The following FGD6 variants were observed in gnomAD, a reference collection of about 807,000 sequenced individuals.
The protein encoded by FGD6 is FYVE, RhoGEF and PH domain containing 6.
FGD6 carries 90 observed loss-of-function variants against 149.4 expected under a neutral mutation model. The observed-to-expected ratio is 0.60, with a 90% CI of 0.51 to 0.72. The LOEUF is 0.72. Among genes scored for constraint, FGD6 ranks in the 30% least tolerant of loss-of-function variants. The probability of loss-of-function intolerance (pLI) is 0.00; values close to 1 mark genes in which losing one functional copy is unlikely to be tolerated. For missense variants in FGD6, 1,437 were observed against 1,684.8 expected (o/e 0.85, Z 2.57); for synonymous variants, 527 against 584.0 (o/e 0.90, Z 1.41).
chr12:95,165,205 A>G (rs1328262359), intron 3 of FGD6, among the ~76,000 whole-genome samples: 4 of 152,220 alleles, frequency 2.6e-5, no homozygotes, highest in African/African-American at 9.6e-5. Flanking sequence ...TTGTTAGTAG[A>G]GACAGATTGG....
chr12:95,098,814 A>C (rs1329909220), intron 14 of FGD6, among the ~76,000 whole-genome samples: 2 of 151,854 alleles, frequency 1.3e-5, no homozygotes, highest in African/African-American at 4.8e-5. Context: ...ATATTTGCTA[A>C]GTGCGTGTCC....
In FGD6 at chr12:95,152,853, A is replaced by G; in HGVS notation, c.2655-12T>C. On this transcript the variant is annotated splice_polypyrimidine_tract_variant and intron_variant, in intron 4 of 20. Transcript: ENST00000343958. Reference sequence around the variant, plus strand: ...ACACATCCACAAACCTGTAAAAAACAACAATGAAAAAAATGTTTTAAATGT... The same window carrying G: ...ACACATCCACAAACCTGTAAAAAACGACAATGAAAAAAATGTTTTAAATGT... The G allele has an allele frequency of 1.2e-6, 2 of 1,613,790 alleles. No individual in the cohort carries two copies. The highest frequency in any genetic ancestry group is 1.7e-6 in the Non-Finnish European group (2 of 1,179,830).
At chr12:95,148,678 T>C (rs36192985) in intron 5 of FGD6, among the ~76,000 whole-genome samples, 11 of 109,180 alleles carry the variant, frequency 1.0e-4, no homozygotes, top group South Asian at 5.4e-4. Flanking sequence ...ATAGCATATG[T>C]TATATTATAT....
intron 5 of FGD6, among the ~76,000 whole-genome samples, chr12:95,150,457 T>C (rs1340924758): frequency 6.6e-6 from 1 of 152,166 alleles, no homozygotes; most frequent in Non-Finnish European, 1.5e-5. Context: ...TACTTAATTA[T>C]ATCAGATGTC....
chr12:95,085,798 A>G lies in FGD6; in HGVS notation c.4089T>C (p.Tyr1363=). ...FWFVIKNKVL[Y]TYAASEDVAA... Reference sequence around the variant, plus strand: ...ATCTTACCTCACTTGCAGCATATGTATATAGTACTTTATTTTTTATGACAA... The same window carrying G: ...ATCTTACCTCACTTGCAGCATATGTGTATAGTACTTTATTTTTTATGACAA... Residue 1363 remains tyrosine, a synonymous_variant, in exon 19 of 21, where the codon TAT becomes TAC. Coordinates refer to ENST00000343958, the MANE Select transcript of FGD6 (RefSeq NM_018351.4). The G allele has an allele frequency of 6.2e-7, 1 of 1,613,770 alleles. No individual in the cohort carries two copies. Among genetic ancestry groups the G allele is most frequent in the Non-Finnish European group, 8.5e-7 (1 of 1,179,910 alleles).
chr12:95,207,172 T>C (rs1465750355), intron 2 of FGD6, among the ~76,000 whole-genome samples: 3 of 152,120 alleles, frequency 2.0e-5, no homozygotes, highest in African/African-American at 7.2e-5. Context: ...GAGTGGGTTC[T>C]CACAAGATCT....
intron 8 of FGD6, 44 bp downstream of exon 8, chr12:95,134,695 G>T: frequency 6.4e-7 from 1 of 1,567,216 alleles, no homozygotes; most frequent in South Asian, 1.1e-5. Context: ...GTTGGCTGAT[G>T]GATAAACCAA....
intron 1 of FGD6, among the ~76,000 whole-genome samples, chr12:95,214,974 T>C (rs938476351): frequency 6.6e-6 from 1 of 150,424 alleles, no homozygotes; most frequent in East Asian, 2.0e-4. Context: ...GCAATTTTCA[T>C]ATCAGCCTCC....
chr12:95,104,953 C>G lies in FGD6; in HGVS notation c.3497+54G>C, dbSNP rs557657701. On this transcript the variant is annotated intron_variant, in intron 14 of 20. Coordinates refer to ENST00000343958, the MANE Select transcript of FGD6 (RefSeq NM_018351.4). Reference sequence around the variant, plus strand: ...CCAAAATTTTCCTGACATTCCCTAGCAAGCAGACTCAGAATGAGAAAAAAA... The same window carrying G: ...CCAAAATTTTCCTGACATTCCCTAGGAAGCAGACTCAGAATGAGAAAAAAA... 6 of 1,470,032 alleles carry G rather than the reference C, an allele frequency of 4.1e-6. No homozygotes were observed. The South Asian group carries it at 6.3e-5, about 15-fold the overall frequency. The allele number at this position is 1,470,032 out of a possible 1,614,324, so 91.1% of individuals were successfully genotyped here. A position where few individuals can be genotyped will look rare whatever the true frequency, so the allele number is the denominator to read the frequency against.
At chr12:95,192,942 GAT>G (rs1474440907) in intron 2 of FGD6, among the ~76,000 whole-genome samples, 1 of 151,618 alleles carries the variant, frequency 6.6e-6, no homozygotes, top group East Asian at 1.9e-4. Flanking sequence ...GCCATAATGT[GAT>G]ATTACTGCAC....
chr12:95,167,473 C>A (rs1017865827), intron 3 of FGD6, among the ~76,000 whole-genome samples: 1 of 151,896 alleles, frequency 6.6e-6, no homozygotes, highest in Non-Finnish European at 1.5e-5. Flanking sequence ...TCTTTAACGG[C>A]TTATGATGTT....
intron 6 of FGD6, among the ~76,000 whole-genome samples, chr12:95,138,511 C>G (rs1398329308): frequency 3.3e-5 from 5 of 151,494 alleles, no homozygotes; most frequent in Non-Finnish European, 5.9e-5. Context: ...GCCCACTGCA[C>G]TCCAGCCTAG....
rs946073855 is a variant in FGD6, at chr12:95,173,159, C to A, written c.2442-415G>T. On this transcript the variant is annotated intron_variant, in intron 2 of 20. Coordinates refer to ENST00000343958, the MANE Select transcript of FGD6 (RefSeq NM_018351.4). ...TGGTGTTTAAAACAACAACAAAAAACAAGTAACAAATCTATGAGGACTCGG... is the reference window on the plus strand; with the variant it reads ...TGGTGTTTAAAACAACAACAAAAAAAAAGTAACAAATCTATGAGGACTCGG... 1.3e-5 allele frequency among the ~76,000 whole-genome samples: 2 copies of A among 152,148 alleles called. 1 individual carries two copies. Among genetic ancestry groups the A allele is most frequent in the South Asian group, 4.1e-4 (2 of 4,822 alleles).
rs2056713541 is a variant in FGD6 at position 95,209,672 on chromosome 12, T to C, written c.1612A>G (p.Arg538Gly). 1.2e-6 allele frequency: 2 copies of C among 1,613,330 alleles called. No individual in the cohort carries two copies. The highest frequency in any genetic ancestry group is 1.7e-6 in the Non-Finnish European group (2 of 1,179,918). ...GCACACAAATGCTGAAGGTGATTTC[T>C]TTCTAGACTCTTCTCTGAACTTTTT... ...EEKSSEKSLERNHLQHLCAQN... is the reference protein window; with the variant it reads ...EEKSSEKSLEGNHLQHLCAQN... Residue 538 changes from arginine (R) to glycine (G), a missense_variant, in exon 2 of 21, where the codon AGA becomes GGA. Arg to Gly is a moderately radical substitution (Grantham distance 125). This residue lies in a region of FGD6 where 1,055 missense variants were observed against 1,146.0 expected (regional missense o/e 0.92). Coordinates refer to ENST00000343958, the MANE Select transcript of FGD6 (RefSeq NM_018351.4).
At chr12:95,215,913 A>C (rs944072704) in intron 1 of FGD6, among the ~76,000 whole-genome samples, 8 of 152,260 alleles carry the variant, frequency 5.3e-5, no homozygotes, top group Non-Finnish European at 2.9e-5. Flanking sequence ...TAAAATTTCC[A>C]ACCACTTTTA....
chr12:95,115,835 G>A (rs145368647), intron 8 of FGD6, among the ~76,000 whole-genome samples: 10 of 152,274 alleles, frequency 6.6e-5, no homozygotes, highest in South Asian at 4.1e-4. Flanking sequence ...CTGAAACTTC[G>A]TAAGTCTTTG....
At chr12:95,180,870 C>G (rs888599450) in intron 2 of FGD6, among the ~76,000 whole-genome samples, 2 of 151,722 alleles carry the variant, frequency 1.3e-5, no homozygotes, top group African/African-American at 2.4e-5. Flanking sequence ...TATATAAACT[C>G]TTTAGGGATA....
chr12:95,161,841 C>A (rs1169668752), intron 3 of FGD6, among the ~76,000 whole-genome samples: 1 of 152,154 alleles, frequency 6.6e-6, no homozygotes, highest in Non-Finnish European at 1.5e-5. Context: ...CGCCCATTCA[C>A]TGCTCTACAT....
intron 2 of FGD6, among the ~76,000 whole-genome samples, chr12:95,188,632 GA>G (rs536103908): frequency 1.5e-4 from 23 of 152,110 alleles, no homozygotes; most frequent in Non-Finnish European, 1.9e-4. Flanking sequence ...ATAAAGAGAA[GA>G]AAAGGAGGGA....
Sources: gnomAD v4.1 joint callset for allele counts (sites outside exome capture counted in the v4.1 genomes callset) on GRCh38, gnomAD v4.1.1 for gene constraint, gnomAD v4.1.1 regional missense constraint, MANE v1.5 for transcripts, NCBI Gene and HGNC (gene_info 2026-07-23, HGNC 2026-07-21) for gene names.